Variants in LRMDA observed in about 807,000 individuals in gnomAD.
LRMDA encodes the protein leucine rich melanocyte differentiation associated, also known as leucine-rich melanocyte differentiation-associated protein.
LRMDA carries 18 observed loss-of-function variants against 29.8 expected under a neutral mutation model. The ratio of observed to expected loss-of-function variants is 0.60; its 90% CI spans 0.42 to 0.90. LRMDA has a LOEUF of 0.90. Ranked by LOEUF, LRMDA falls within the 40% of genes least tolerant of loss-of-function variation. LRMDA has a pLI of 0.00. For synonymous variants in LRMDA, 125 were observed against 109.4 expected (o/e 1.14, Z -0.89); for missense variants, 273 against 273.9 (o/e 1.00, Z 0.02).
chr10:75,780,960 A>G (rs1843375185), intron 2 of LRMDA, among the ~76,000 whole-genome samples: 2 of 152,344 alleles, frequency 1.3e-5, no homozygotes, highest in Admixed American at 6.5e-5. Flanking sequence ...ACTCTTTAGT[A>G]TGATTGGAAC....
rs144950768 is a variant in LRMDA, at chr10:76,067,516, G to A, written c.516+8733G>A. Among the ~76,000 whole-genome samples the A allele has an allele frequency of 8.4e-3, 1,281 of 152,260 alleles. 6 individuals are homozygous for A. The highest frequency in any genetic ancestry group is 0.02 in the Middle Eastern group (6 of 294). ...AATTGGGTTCTGGAGAGTAAAGTTAGGGTTCTGATTTAAAGTTATCCATAT... is the reference window on the plus strand; with the variant it reads ...AATTGGGTTCTGGAGAGTAAAGTTAAGGTTCTGATTTAAAGTTATCCATAT... On this transcript the variant is annotated intron_variant, in intron 5 of 6. Transcript: ENST00000611255.
intron 2 of LRMDA, among the ~76,000 whole-genome samples, chr10:75,821,648 A>AACAG (rs1564577430): frequency 6.6e-6 from 1 of 152,144 alleles, no homozygotes; most frequent in Non-Finnish European, 1.5e-5. Context: ...GGGTGCCTGT[A>AACAG]GTCCCAGCTA....
intron 5 of LRMDA, among the ~76,000 whole-genome samples, chr10:76,240,873 C>T (rs980516577): frequency 9.7e-5 from 14 of 144,198 alleles, no homozygotes; most frequent in South Asian, 6.8e-4. Flanking sequence ...TATATATATA[C>T]GCACACACAC....
chr10:75,676,736 G>A (rs1482983749), intron 2 of LRMDA, among the ~76,000 whole-genome samples: 1 of 152,114 alleles, frequency 6.6e-6, no homozygotes, highest in Non-Finnish European at 1.5e-5. Flanking sequence ...ATTCTCTGAA[G>A]GAGTGATTTT....
chr10:75,552,469 T>G (rs528944737), intron 2 of LRMDA: 21 of 381,288 alleles, frequency 5.5e-5, no homozygotes, highest in East Asian at 4.0e-4. Context: ...GTATCCTTGG[T>G]TTTTAGTAGT....
chr10:75,894,973 C>T (rs1264759101), intron 2 of LRMDA, among the ~76,000 whole-genome samples: 2 of 152,060 alleles, frequency 1.3e-5, no homozygotes, highest in African/African-American at 2.4e-5. Context: ...AGTAAATTAC[C>T]CCAAATCATG....
At chr10:75,680,038 C>T (rs1436545331) in intron 2 of LRMDA, among the ~76,000 whole-genome samples, 1 of 152,264 alleles carries the variant, frequency 6.6e-6, no homozygotes, top group Non-Finnish European at 1.5e-5. Flanking sequence ...TTCTCAGCAA[C>T]TCTTCCTCAG....
intron 2 of LRMDA, among the ~76,000 whole-genome samples, chr10:75,892,648 G>A (rs767847600): frequency 1.3e-5 from 2 of 152,038 alleles, no homozygotes; most frequent in Non-Finnish European, 2.9e-5. Flanking sequence ...AATAGCAGCC[G>A]ATAATGTATC....
rs543012180 is a variant in LRMDA at position 75,672,745 on chromosome 10, C to T, written c.131+234251C>T. ...AGGCAGGTGCCACAGCTAATTTTTACGTTTTCAGTAGAGACGGGGTTTCAT... is the reference window on the plus strand; with the variant it reads ...AGGCAGGTGCCACAGCTAATTTTTATGTTTTCAGTAGAGACGGGGTTTCAT... On this transcript the variant is annotated intron_variant, in intron 2 of 6. Transcript: ENST00000611255. 2.1e-4 allele frequency among the ~76,000 whole-genome samples: 31 copies of T among 150,164 alleles called. No individual in the cohort carries two copies. The South Asian group carries it at 4.5e-3, about 22-fold the overall frequency.
chr10:76,400,082 A>G (rs1023159755), intron 6 of LRMDA, among the ~76,000 whole-genome samples: 2 of 152,170 alleles, frequency 1.3e-5, no homozygotes, highest in African/African-American at 4.8e-5. Flanking sequence ...GTGACATAGG[A>G]TTGTGACTTC....
intron 2 of LRMDA, among the ~76,000 whole-genome samples, chr10:76,034,595 G>A (rs1009830482): frequency 8.5e-5 from 13 of 152,146 alleles, no homozygotes; most frequent in Non-Finnish European, 1.5e-4. Flanking sequence ...TACCTCGTAA[G>A]TATTGACTCC....
intron 2 of LRMDA, among the ~76,000 whole-genome samples, chr10:75,638,267 T>G (rs1841411992): frequency 6.6e-6 from 1 of 152,122 alleles, no homozygotes. Flanking sequence ...TTTTCAGTGG[T>G]GTGGGATTTA....
At chr10:75,983,046 C>T (rs765393706) in intron 2 of LRMDA, among the ~76,000 whole-genome samples, 3 of 152,188 alleles carry the variant, frequency 2.0e-5, no homozygotes, top group Non-Finnish European at 2.9e-5. Context: ...TAGGGTCTGA[C>T]TCTGCATCCT....
At chr10:75,891,528 G>C (rs1845491110) in intron 2 of LRMDA, among the ~76,000 whole-genome samples, 1 of 152,178 alleles carries the variant, frequency 6.6e-6, no homozygotes, top group Non-Finnish European at 1.5e-5. Flanking sequence ...TGGTGAGATG[G>C]GGAAGCAAGG....
At chr10:76,239,576 G>A (rs1208165782) in intron 5 of LRMDA, among the ~76,000 whole-genome samples, 2 of 150,916 alleles carry the variant, frequency 1.3e-5, no homozygotes, top group African/African-American at 4.9e-5. Flanking sequence ...TGTCTCTTAT[G>A]CTCTCTGTTT....
chr10:76,137,743 A>G (rs1351852014), intron 5 of LRMDA, among the ~76,000 whole-genome samples: 2 of 150,946 alleles, frequency 1.3e-5, no homozygotes, highest in East Asian at 2.0e-4. Context: ...TTTTAAAACT[A>G]CTATTTTGAA....
At chr10:75,863,339 C>T (rs541516412) in intron 2 of LRMDA, among the ~76,000 whole-genome samples, 2 of 152,170 alleles carry the variant, frequency 1.3e-5, no homozygotes, top group African/African-American at 4.8e-5. Flanking sequence ...TCTCTGAAAT[C>T]AAAAATATAT....
intron 5 of LRMDA, among the ~76,000 whole-genome samples, chr10:76,119,422 A>G (rs1031547419): frequency 6.6e-6 from 1 of 151,674 alleles, no homozygotes; most frequent in Non-Finnish European, 1.5e-5. Flanking sequence ...TCTCCCTGAA[A>G]CTGCAGGGGC....
At chr10:76,354,715 A>G (rs1368954391) in intron 6 of LRMDA, among the ~76,000 whole-genome samples, 4 of 152,186 alleles carry the variant, frequency 2.6e-5, no homozygotes, top group Non-Finnish European at 5.9e-5. Flanking sequence ...GTACATATCT[A>G]TGCGGTGCAT....
Sources: allele counts gnomAD v4.1 joint callset (sites outside exome capture counted in the v4.1 genomes callset), GRCh38; gene constraint gnomAD v4.1.1; transcripts MANE v1.5; gene names NCBI Gene and HGNC (gene_info 2026-07-23, HGNC 2026-07-21).